The following SPATA7 variants were observed in gnomAD, a reference collection of about 807,000 sequenced individuals.
SPATA7 encodes the protein spermatogenesis associated 7.
Under a neutral mutation model 51.8 loss-of-function variants are expected in SPATA7, and 43 were observed. The observed-to-expected ratio is 0.83, with a 90% CI of 0.65 to 1.07. SPATA7 has a LOEUF of 1.07. Among genes scored for constraint, SPATA7 ranks in the 50% least tolerant of loss-of-function variants. SPATA7 has a pLI of 0.00. For missense variants in SPATA7, 683 were observed against 701.3 expected, an observed-to-expected ratio of 0.97 and a Z score of 0.30; for synonymous variants, 230 against 252.8, an observed-to-expected ratio of 0.91 and a Z score of 0.86.
chr14:88,413,339 C>T (rs560733230), intron 4 of SPATA7, among the ~76,000 whole-genome samples: 1 of 152,172 alleles, frequency 6.6e-6, no homozygotes, highest in East Asian at 1.9e-4. Flanking sequence ...CTTGATTTGG[C>T]TCTCAGCTTG....
intron 7 of SPATA7, 146 bp from the exon 8 acceptor site, chr14:88,429,202 A>G: frequency 2.0e-6 from 1 of 509,348 alleles, no homozygotes; most frequent in Non-Finnish European, 3.6e-6. Context: ...TGGATAGAAA[A>G]ATTATTCTAA....
chr14:88,437,903 G>T lies in SPATA7; in HGVS notation c.1281G>T (p.Ser427=). 6.2e-7 allele frequency: 1 copy of T among 1,611,158 alleles called. No individual in the cohort carries two copies. Among genetic ancestry groups the T allele is most frequent in the Non-Finnish European group, 8.5e-7 (1 of 1,178,504 alleles). ...VDLGCTSEEN[S]VKQNDVDMLN... The stretch of plus-strand genomic sequence containing the variant: ...TAGGCTGCACATCGGAGGAAAACTC[G>T]GTAAAGCAAAATGATGTTGATATGT... The change falls in exon 12 of 12, where the codon TCG becomes TCT. Residue 427 remains serine (S), a synonymous_variant. Coordinates refer to ENST00000393545, the MANE Select transcript of SPATA7 (RefSeq NM_018418.5).
Position 88,416,776 on chromosome 14 carries a change from T to G in SPATA7, c.304T>G (p.Leu102Val). The G allele has an allele frequency of 6.2e-7, 1 of 1,612,706 alleles. No individual in the cohort carries two copies. Among genetic ancestry groups the G allele is most frequent in the Non-Finnish European group, 8.5e-7 (1 of 1,178,916 alleles). ...AGCACAATGTGAAAAAGAGTTCAAA[T>G]TAACTAAAACTGCAATGCGAGCCAA... ...ELAQCEKEFK[L>V]TKTAMRANYK... is the part of the protein sequence containing the mutation. Residue 102 changes from leucine to valine, a missense_variant, in exon 5 of 12, where the codon TTA (leucine) becomes GTA (valine). Physicochemically the swap from Leu to Val is conservative, Grantham distance 32 (BLOSUM62 1). Transcript: ENST00000393545.
At position 88,438,206 on chromosome 14, in the gene SPATA7, A is replaced by G. The variant is rs2077145543; in HGVS notation, c.1584A>G (p.Ser528=). The G allele has an allele frequency of 1.2e-6, 2 of 1,613,982 alleles. No homozygotes were observed. Among genetic ancestry groups the G allele is most frequent in the African/African-American group, 1.3e-5 (1 of 75,046 alleles). ...STLDENHPSI[S]DSLTDRETSV... is the part of the protein sequence containing the mutation. ...TGGATGAAAATCATCCAAGTATTTCAGACAGTTTAACAGATCGGGAAACTT... is the reference window on the plus strand; with the variant it reads ...TGGATGAAAATCATCCAAGTATTTCGGACAGTTTAACAGATCGGGAAACTT... The change falls in exon 12 of 12, where the codon TCA becomes TCG. Residue 528 remains serine (S), a synonymous_variant. Transcript: ENST00000393545.
At chr14:88,425,890 G>A (rs1464322342) in intron 5 of SPATA7, among the ~76,000 whole-genome samples, 4 of 152,128 alleles carry the variant, frequency 2.6e-5, no homozygotes, top group Non-Finnish European at 5.9e-5. Context: ...GTTGAGAAGG[G>A]CATTGGTGCT....
intron 4 of SPATA7, among the ~76,000 whole-genome samples, chr14:88,399,957 C>T (rs1184790538): frequency 6.6e-6 from 1 of 152,166 alleles, no homozygotes; most frequent in Non-Finnish European, 1.5e-5. Context: ...AAACCGCTGA[C>T]TTGAACAACA....
At chr14:88,415,365 C>G (rs1412726633) in intron 4 of SPATA7, 1 of 188,054 alleles carries the variant, frequency 5.3e-6, no homozygotes, top group Non-Finnish European at 1.2e-5. Flanking sequence ...ACAAGAATAG[C>G]AACCCCTGCT....
rs568587688 is a variant in SPATA7, at chr14:88,394,328, C to G, written c.190+840C>G. On this transcript the variant is annotated intron_variant, in intron 3 of 11. Transcript: ENST00000393545. ...CCTAGTCCTTTGCCGTCAGTCCCCT[C>G]CTGACAAATCCCTGGCAACCACTGA... is the stretch of plus-strand genomic sequence containing the variant. 2.0e-5 allele frequency among the ~76,000 whole-genome samples: 3 copies of G among 152,240 alleles called. No individual in the cohort carries two copies. In the East Asian group the frequency reaches 5.8e-4, roughly 29 times the overall value.
At chr14:88,421,776 C>G (rs1381504731) in intron 5 of SPATA7, among the ~76,000 whole-genome samples, 8 of 152,120 alleles carry the variant, frequency 5.3e-5, no homozygotes, top group South Asian at 4.2e-4. Flanking sequence ...TGGTGAAACC[C>G]TGTCTCTGCT....
At chr14:88,448,398 C>A (rs567353667) in intron 3 of SPATA7, among the ~76,000 whole-genome samples, 87 of 152,222 alleles carry the variant, frequency 5.7e-4, no homozygotes, top group African/African-American at 1.7e-3. Flanking sequence ...AAACTTTTTT[C>A]AAAGTTTTCA....
At chr14:88,434,985 C>A (rs187575578) in intron 10 of SPATA7, among the ~76,000 whole-genome samples, 119 of 152,198 alleles carry the variant, frequency 7.8e-4, no homozygotes, top group African/African-American at 2.6e-3. Flanking sequence ...TGATACATTC[C>A]TGTGATAGAG....
At chr14:88,452,616 C>G (rs1280666803) in intron 3 of SPATA7, among the ~76,000 whole-genome samples, 2 of 152,124 alleles carry the variant, frequency 1.3e-5, no homozygotes, top group African/African-American at 4.8e-5. Context: ...GTTCTTGGAG[C>G]AAAAGTTCAC....
intron 4 of SPATA7, among the ~76,000 whole-genome samples, chr14:88,464,629 C>A (rs1238726430): frequency 6.6e-6 from 1 of 152,012 alleles, no homozygotes; most frequent in East Asian, 1.9e-4. Context: ...ACTTGGGAGG[C>A]CAAGGCAGGA....
intron 4 of SPATA7, among the ~76,000 whole-genome samples, chr14:88,406,034 GTAAT>G (rs1437283144): frequency 2.6e-5 from 4 of 152,118 alleles, no homozygotes; most frequent in Non-Finnish European, 5.9e-5. Flanking sequence ...CAAGTTAAGT[GTAAT>G]TAATAATCAT....
chr14:88,437,835 T>A lies in SPATA7; in HGVS notation c.1216-3T>A, dbSNP rs779947843. The A allele has an allele frequency of 1.3e-6, 2 of 1,586,768 alleles. No homozygotes were observed. The highest frequency in any genetic ancestry group is 1.7e-6 in the Non-Finnish European group (2 of 1,171,298). ...AATTAGTCTCATCTTTTCTTAATCC[T>A]AGGAAAAAATGCGCCACCTGCTGCA... On this transcript the variant is annotated splice_region_variant and splice_polypyrimidine_tract_variant and intron_variant, in intron 11 of 11. Transcript: ENST00000393545.
At position 88,396,209 on chromosome 14, in the gene SPATA7, T is replaced by G. The variant is rs777396619; in HGVS notation, c.238+6T>G. ...CGTGAGTACCAGCATAAAGTGTAAGTAATTTTTGGACATTATTACCTTTTT... is the reference window on the plus strand; with the variant it reads ...CGTGAGTACCAGCATAAAGTGTAAGGAATTTTTGGACATTATTACCTTTTT... On this transcript the variant is annotated splice_donor_region_variant and intron_variant, in intron 4 of 11. Transcript: ENST00000393545. The G allele has an allele frequency of 5.6e-6, 9 of 1,605,170 alleles. No homozygotes were observed. Among genetic ancestry groups the G allele is most frequent in the Non-Finnish European group, 7.7e-6 (9 of 1,173,688 alleles).
At position 88,470,145 on chromosome 14, in the gene SPATA7, A is replaced by T. The variant is rs968846753; in HGVS notation, c.*278A>T. Reference sequence around the variant, plus strand: ...ATGGTAGTACTAAAAAAGTTTTTTTAAAAAAGTAAAAAGTAAAAAAGTAGT... The same window carrying T: ...ATGGTAGTACTAAAAAAGTTTTTTTTAAAAAGTAAAAAGTAAAAAAGTAGT... On this transcript the variant is annotated 3_prime_UTR_variant, in exon 5 of 5. Transcript: ENST00000556406. 2.6e-5 allele frequency: 32 copies of T among 1,230,684 alleles called. No homozygotes were observed. The Admixed American group carries it at 4.0e-4, about 15-fold the overall frequency. 76.2% of individuals were successfully genotyped at this position (1,230,684 alleles called of 1,614,324 possible).
At chr14:88,403,417 C>G (rs778259245) in intron 4 of SPATA7, among the ~76,000 whole-genome samples, 20 of 152,086 alleles carry the variant, frequency 1.3e-4, no homozygotes, top group Non-Finnish European at 2.6e-4. Context: ...ATAGAAACAA[C>G]CTAAATGTTG....
intron 3 of SPATA7, among the ~76,000 whole-genome samples, chr14:88,445,485 C>G (rs1313303333): frequency 1.3e-5 from 2 of 152,156 alleles, no homozygotes; most frequent in South Asian, 4.1e-4. Context: ...ATTTCCTTCT[C>G]CTGCCCAATT....
Sources: allele counts gnomAD v4.1 joint callset (sites outside exome capture counted in the v4.1 genomes callset), GRCh38; gene constraint gnomAD v4.1.1; transcripts MANE v1.5; gene names NCBI Gene and HGNC (gene_info 2026-07-23, HGNC 2026-07-21).